SNX29: variants seen among roughly 807,000 people sequenced by gnomAD.
The protein encoded by SNX29 is sorting nexin-29.
A neutral mutation model predicts 102.1 loss-of-function variants in SNX29; 78 were observed. The observed-to-expected ratio is 0.76, with a 90% CI of 0.64 to 0.92. The LOEUF (loss-of-function observed/expected upper bound fraction) is 0.92, where lower values mean the gene tolerates loss of function less well. SNX29 is among the 40% of genes least tolerant of loss of function. The pLI is 0.00. For synonymous variants in SNX29, 580 were observed against 414.5 expected (o/e 1.40, Z -4.85); for missense variants, 1,280 against 1,061.7 (o/e 1.21, Z -2.86).
chr16:12,437,642 A>G (rs534358599), intron 18 of SNX29, among the ~76,000 whole-genome samples: 33 of 152,080 alleles, frequency 2.2e-4, no homozygotes, highest in Admixed American at 7.2e-4. Context: ...TTCCCCACCC[A>G]TAGCTGCCCT....
intron 15 of SNX29, among the ~76,000 whole-genome samples, chr16:12,345,966 C>T (rs1183098010): frequency 6.6e-6 from 1 of 152,202 alleles, no homozygotes; most frequent in Non-Finnish European, 1.5e-5. Flanking sequence ...GTCCCGTCAG[C>T]TTCAGCAGCC....
At chr16:12,526,991 T>C (rs779621423) in intron 20 of SNX29, 2 of 401,536 alleles carry the variant, frequency 5.0e-6, no homozygotes, top group Admixed American at 7.6e-5. Context: ...TTATGGACTT[T>C]TCAAAACGAG....
chr16:12,547,916 G>A lies in SNX29; in HGVS notation c.2319-20590G>A, dbSNP rs988859770. ...GGCTGTATAGGAGCTGCTCTTAGGG[G>A]TTCAGGGATACCTCAATTCCCAGTC... On this transcript the variant is annotated intron_variant, in intron 20 of 20. Transcript: ENST00000566228. Among the ~76,000 whole-genome samples the A allele has an allele frequency of 5.9e-5, 9 of 152,274 alleles. No homozygotes were observed. In the South Asian group the frequency reaches 1.5e-3, roughly 25 times the overall value.
chr16:11,995,076 A>G (rs1007827754), intron 1 of SNX29, among the ~76,000 whole-genome samples: 1 of 151,734 alleles, frequency 6.6e-6, no homozygotes, highest in Non-Finnish European at 1.5e-5. Flanking sequence ...TCTCTTATTT[A>G]TTTATTTTTG....
At chr16:12,364,737 C>A (rs925998074) in intron 16 of SNX29, among the ~76,000 whole-genome samples, 4 of 152,148 alleles carry the variant, frequency 2.6e-5, no homozygotes, top group Admixed American at 6.5e-5. Flanking sequence ...TTATTTTGGT[C>A]CCACTGGCAA....
intron 3 of SNX29, among the ~76,000 whole-genome samples, chr16:12,023,589 A>G (rs933788444): frequency 7.0e-6 from 1 of 143,732 alleles, no homozygotes; most frequent in Non-Finnish European, 1.5e-5. Flanking sequence ...AAAAAAAAAA[A>G]GAAAAGAAAA....
At chr16:12,262,203 C>T (rs1362897452) in intron 14 of SNX29, among the ~76,000 whole-genome samples, 1 of 152,172 alleles carries the variant, frequency 6.6e-6, no homozygotes, top group Non-Finnish European at 1.5e-5. Context: ...TGCTGTTTGT[C>T]GTTCATCCTC....
chr16:12,070,268 C>T (rs1378276435), intron 10 of SNX29, among the ~76,000 whole-genome samples: 2 of 151,024 alleles, frequency 1.3e-5, no homozygotes, highest in Non-Finnish European at 2.9e-5. Context: ...TGCTGGTGTG[C>T]TGCACCCATT....
intron 18 of SNX29, among the ~76,000 whole-genome samples, chr16:12,472,700 T>C (rs2087416633): frequency 6.6e-6 from 1 of 152,182 alleles, no homozygotes; most frequent in Non-Finnish European, 1.5e-5. Context: ...CTTGAGACCT[T>C]ATCTCTACTA....
At chr16:11,996,942 G>C (rs1445615272) in intron 1 of SNX29, among the ~76,000 whole-genome samples, 1 of 152,156 alleles carries the variant, frequency 6.6e-6, no homozygotes, top group East Asian at 1.9e-4. Context: ...TGAAGAGTCA[G>C]TTGTTTTATT....
At chr16:12,461,303 T>C (rs1420117363) in intron 18 of SNX29, among the ~76,000 whole-genome samples, 1 of 152,188 alleles carries the variant, frequency 6.6e-6, no homozygotes, top group East Asian at 1.9e-4. Flanking sequence ...TTCAAGAGAT[T>C]GGATACCTGT....
chr16:12,252,991 G>C (rs114365100), intron 14 of SNX29, among the ~76,000 whole-genome samples: 1 of 152,174 alleles, frequency 6.6e-6, no homozygotes, highest in Non-Finnish European at 1.5e-5. Flanking sequence ...GGGTTCTTGC[G>C]TTGGGTTTGA....
In SNX29 at chr16:12,568,548, AG is replaced by A; in HGVS notation, c.2362del (p.Ala788GlnfsTer56). ...GAGAGCCTGTGAACAGCCGGCCCAA[AG>A]CAGCTTCCCGCTTCCCCAAACTGTC... Reference protein sequence around the residue: ...PGEPVNSRPKAASRFPKLSRG... With the variant: ...PGEPVNSRPKXASRFPKLSRG... On this transcript the variant is annotated frameshift_variant, in exon 21 of 21. Transcript: ENST00000566228. LOFTEE classifies it high-confidence loss of function. The A allele has an allele frequency of 6.2e-7, 1 of 1,609,550 alleles. No individual in the cohort carries two copies.
intron 10 of SNX29, among the ~76,000 whole-genome samples, chr16:12,078,554 GCA>G (rs2051702143): frequency 6.6e-6 from 1 of 152,202 alleles, no homozygotes; most frequent in African/African-American, 2.4e-5. Context: ...CTGAGATTAT[GCA>G]CATTAGGGAG....
chr16:12,498,263 T>TG (rs1204369052), intron 19 of SNX29, among the ~76,000 whole-genome samples: 3 of 152,158 alleles, frequency 2.0e-5, no homozygotes, highest in Non-Finnish European at 4.4e-5. Context: ...CAGGTACACG[T>TG]GGCAGAGCAT....
At chr16:12,450,722 C>A (rs542274547) in intron 18 of SNX29, among the ~76,000 whole-genome samples, 1 of 152,164 alleles carries the variant, frequency 6.6e-6, no homozygotes, top group African/African-American at 2.4e-5. Context: ...AGAGCTTGGG[C>A]ATTGACCCAG....
chr16:12,079,121 G>T (rs2051736683), intron 11 of SNX29, among the ~76,000 whole-genome samples: 1 of 152,228 alleles, frequency 6.6e-6, no homozygotes, highest in African/African-American at 2.4e-5. Context: ...CGCGCTAAAG[G>T]GCGTGCCTCA....
At chr16:12,480,566 C>T (rs1183333799) in intron 19 of SNX29, among the ~76,000 whole-genome samples, 2 of 152,172 alleles carry the variant, frequency 1.3e-5, no homozygotes, top group African/African-American at 4.8e-5. Flanking sequence ...ATGTGAGGTT[C>T]TGGGGATTTG....
At chr16:11,990,825 A>C (rs921039462) in intron 1 of SNX29, among the ~76,000 whole-genome samples, 7 of 152,230 alleles carry the variant, frequency 4.6e-5, no homozygotes, top group Admixed American at 1.3e-4. Context: ...ATCTAACCGC[A>C]CGGTGGCTGT....
Sources: gnomAD v4.1 joint callset for allele counts (sites outside exome capture counted in the v4.1 genomes callset) on GRCh38, gnomAD v4.1.1 for gene constraint, MANE v1.5 for transcripts, NCBI Gene and HGNC (gene_info 2026-07-23, HGNC 2026-07-21) for gene names.